Variants in EAF2 observed in about 807,000 individuals in gnomAD.
EAF2 encodes the protein ELL-associated factor 2.
In EAF2, 29 loss-of-function variants were observed where a neutral mutation model predicts 29.4. That is an observed-to-expected ratio of 0.99 (90% confidence interval 0.73 to 1.35). The LOEUF is 1.35. Among genes scored for constraint, EAF2 ranks in the 40% most tolerant of loss-of-function variants. EAF2 has a pLI of 0.00. For missense variants in EAF2, 292 were observed against 312.0 expected, an observed-to-expected ratio of 0.94 and a Z score of 0.48; for synonymous variants, 103 against 102.5, an observed-to-expected ratio of 1.00 and a Z score of -0.03.
chr3:121,872,006 A>G (rs564051151), intron 4 of EAF2, among the ~76,000 whole-genome samples: 2 of 151,920 alleles, frequency 1.3e-5, no homozygotes, highest in Non-Finnish European at 2.9e-5. Flanking sequence ...CTACAGAAAT[A>G]TTTATAGCCA....
At chr3:121,840,096 CAG>C (rs1311840760) in intron 1 of EAF2, among the ~76,000 whole-genome samples, 1 of 145,820 alleles carries the variant, frequency 6.9e-6, no homozygotes, top group African/African-American at 2.6e-5. Context: ...AAGGCTGAGA[CAG>C]AGAATTGCTT....
At chr3:121,840,493 A>T (rs1417608869) in intron 1 of EAF2, among the ~76,000 whole-genome samples, 1 of 97,540 alleles carries the variant, frequency 1.0e-5, no homozygotes, top group Admixed American at 9.6e-5. Context: ...TCGTCTAAAA[A>T]AAAAAAAAAA....
intron 4 of EAF2, among the ~76,000 whole-genome samples, chr3:121,867,826 AATG>A (rs1340717284): frequency 6.6e-6 from 1 of 152,246 alleles, no homozygotes; most frequent in East Asian, 1.9e-4. Flanking sequence ...TTCCCAAAAT[AATG>A]ATATTTCAAA....
chr3:121,877,683 A>T (rs1194336153), intron 5 of EAF2, among the ~76,000 whole-genome samples: 2 of 151,996 alleles, frequency 1.3e-5, no homozygotes, highest in Admixed American at 6.6e-5. Context: ...ATGAAGATAA[A>T]AAATAATAAA....
chr3:121,854,864 T>C (rs757085625), intron 3 of EAF2, 41 bp downstream of exon 3: 6 of 1,468,566 alleles, frequency 4.1e-6, no homozygotes, highest in Non-Finnish European at 5.4e-6. Flanking sequence ...TAAACATAAA[T>C]TTCTAAGGAA....
At chr3:121,839,092 T>C (rs1306426325) in intron 1 of EAF2, among the ~76,000 whole-genome samples, 2 of 152,226 alleles carry the variant, frequency 1.3e-5, no homozygotes, top group Admixed American at 6.5e-5. Context: ...ACAGAGGTTA[T>C]AGATTAATAG....
intron 5 of EAF2, 138 bp from the exon 6 acceptor site, chr3:121,886,204 C>A (rs2107555194): frequency 2.5e-6 from 1 of 392,250 alleles, no homozygotes; most frequent in Non-Finnish European, 4.6e-6. Flanking sequence ...CTAATTGTGT[C>A]ACTGAATTAC....
chr3:121,836,144 T>C (rs1323861602), intron 1 of EAF2: 1 of 152,228 alleles, frequency 6.6e-6, no homozygotes. Flanking sequence ...AGCATATAAG[T>C]TTTTATGTGT....
rs969752557 is a variant in EAF2 at position 121,839,948 on chromosome 3, C to A, written c.107-4505C>A. Among the ~76,000 whole-genome samples the A allele has an allele frequency of 2.0e-5, 3 of 152,108 alleles. No homozygotes were observed. The South Asian group carries it at 6.2e-4, about 32-fold the overall frequency. ...GTGCCTCACGCCTGTAATCCCAGCA[C>A]TTTGGGAGGCTGAGGAGGATGGATC... On this transcript the variant is annotated intron_variant, in intron 1 of 5. Coordinates refer to ENST00000273668, the MANE Select transcript of EAF2 (RefSeq NM_018456.6).
intron 4 of EAF2, 56 bp from the exon 5 acceptor site, chr3:121,872,481 A>G (rs1381638711): frequency 7.7e-7 from 1 of 1,304,426 alleles, no homozygotes; most frequent in Non-Finnish European, 1.0e-6. Context: ...AATTTTTATT[A>G]TATTTATTTA....
chr3:121,835,526 C>G lies in EAF2; in HGVS notation c.106+135C>G, dbSNP rs1708251626. The G allele has an allele frequency of 6.6e-6, 5 of 762,346 alleles. No homozygotes were observed. The East Asian group carries it at 1.1e-4, about 16-fold the overall frequency. The allele number at this position is 762,346 out of a possible 1,614,324, so 47.2% of individuals were successfully genotyped here. On this transcript the variant is annotated intron_variant, in intron 1 of 5. Coordinates refer to ENST00000273668, the MANE Select transcript of EAF2 (RefSeq NM_018456.6). ...TACGGGGCGGGGAGGGGGGAGGCAGCGCGATCCTCTAACCTGCTCGGAGTC... is the reference window on the plus strand; with the variant it reads ...TACGGGGCGGGGAGGGGGGAGGCAGGGCGATCCTCTAACCTGCTCGGAGTC...
chr3:121,852,203 C>A (rs1708646703), intron 2 of EAF2, among the ~76,000 whole-genome samples: 1 of 152,122 alleles, frequency 6.6e-6, no homozygotes. Context: ...GCTCAGAGAA[C>A]AATAATACAT....
At chr3:121,849,752 A>G (rs1050569549) in intron 2 of EAF2, among the ~76,000 whole-genome samples, 1 of 152,114 alleles carries the variant, frequency 6.6e-6, no homozygotes, top group Admixed American at 6.5e-5. Flanking sequence ...CTTAGCCGAC[A>G]CAGGAACATA....
chr3:121,864,943 C>A (rs146903969), intron 4 of EAF2, among the ~76,000 whole-genome samples: 1 of 152,116 alleles, frequency 6.6e-6, no homozygotes, highest in African/African-American at 2.4e-5. Flanking sequence ...TTTCCTGTTA[C>A]TAAATTCTAA....
chr3:121,884,440 T>A lies in EAF2; in HGVS notation c.737-1902T>A, dbSNP rs1261948352. On this transcript the variant is annotated intron_variant, in intron 5 of 5. Transcript: ENST00000273668. ...ATTTTCTTATTTATTTATTTATTTT[T>A]TTTTTTGAGAAGGAGTTTCACTCTG... 4.0e-5 allele frequency among the ~76,000 whole-genome samples: 6 copies of A among 151,834 alleles called. No homozygotes were observed. In the South Asian group the frequency reaches 8.3e-4, roughly 21 times the overall value.
At chr3:121,872,424 G>A (rs552806433) in intron 4 of EAF2, 113 bp from the exon 5 acceptor site, 207 of 807,960 alleles carry the variant, frequency 2.6e-4, no homozygotes, top group Non-Finnish European at 3.6e-4. Flanking sequence ...TACTGTAAAT[G>A]TATGTTTGAT....
At chr3:121,841,887 T>G (rs1708441066) in intron 1 of EAF2, among the ~76,000 whole-genome samples, 1 of 152,002 alleles carries the variant, frequency 6.6e-6, no homozygotes. Flanking sequence ...ACGCCCGTAA[T>G]CTCAGCTACT....
chr3:121,848,501 G>T (rs532750306), intron 2 of EAF2, among the ~76,000 whole-genome samples: 1 of 151,970 alleles, frequency 6.6e-6, no homozygotes, highest in African/African-American at 2.4e-5. Context: ...CATTTAAATC[G>T]CAACTCTGCC....
chr3:121,872,999 C>T (rs1317584805), intron 5 of EAF2: 4 of 784,828 alleles, frequency 5.1e-6, no homozygotes, highest in Admixed American at 2.0e-5. Flanking sequence ...ATAATCTTTC[C>T]TCTCACTCCT....
Sources: allele counts gnomAD v4.1 joint callset (sites outside exome capture counted in the v4.1 genomes callset), GRCh38; gene constraint gnomAD v4.1.1; transcripts MANE v1.5; gene names NCBI Gene and HGNC (gene_info 2026-07-23, HGNC 2026-07-21).